Variants in LRRC4C observed in about 807,000 individuals in gnomAD.
LRRC4C encodes the protein leucine-rich repeat-containing protein 4C.
A neutral mutation model predicts 33.6 loss-of-function variants in LRRC4C; 5 were observed. The ratio of observed to expected loss-of-function variants is 0.15; its 90% confidence interval spans 0.08 to 0.31. The LOEUF is 0.31. Ranked by LOEUF, LRRC4C falls within the 10% of genes least tolerant of loss-of-function variation. The probability of loss-of-function intolerance (pLI) is 1.00; values close to 1 mark genes in which losing one functional copy is unlikely to be tolerated. For synonymous variants in LRRC4C, 329 were observed against 302.0 expected (o/e 1.09, Z -0.93); for missense variants, 560 against 796.7 (o/e 0.70, Z 3.58).
intron 3 of LRRC4C, among the ~76,000 whole-genome samples, chr11:40,395,210 T>C (rs924867372): frequency 6.6e-6 from 1 of 152,176 alleles, no homozygotes; most frequent in Non-Finnish European, 1.5e-5. Context: ...TACTACCTTG[T>C]ACTCCAAGAC....
intron 3 of LRRC4C, among the ~76,000 whole-genome samples, chr11:40,565,308 A>T (rs1005789280): frequency 1.9e-4 from 29 of 152,134 alleles, no homozygotes; most frequent in African/African-American, 6.5e-4. Flanking sequence ...TCCCTTCATG[A>T]AAAAAATAAT....
chr11:40,248,712 A>C (rs1866536529), intron 4 of LRRC4C, among the ~76,000 whole-genome samples: 1 of 152,090 alleles, frequency 6.6e-6, no homozygotes, highest in Non-Finnish European at 1.5e-5. Context: ...AAAAATGAAA[A>C]AAGAGTAGCA....
intron 1 of LRRC4C, among the ~76,000 whole-genome samples, chr11:41,341,296 A>T (rs1297828720): frequency 6.6e-6 from 1 of 152,152 alleles, no homozygotes; most frequent in Non-Finnish European, 1.5e-5. Context: ...AAAAAAACTA[A>T]AAAATAGATC....
At chr11:41,320,599 G>A (rs1008072157) in intron 1 of LRRC4C, among the ~76,000 whole-genome samples, 1 of 152,102 alleles carries the variant, frequency 6.6e-6, no homozygotes, top group South Asian at 2.1e-4. Context: ...AAATCAGTTC[G>A]ACCTCCATAT....
intron 4 of LRRC4C, among the ~76,000 whole-genome samples, chr11:40,314,822 T>C (rs1945497242): frequency 6.6e-6 from 1 of 152,046 alleles, no homozygotes; most frequent in South Asian, 2.1e-4. Flanking sequence ...CCACATGTTC[T>C]CACTCAAATG....
At chr11:40,440,172 T>G (rs1565390358) in intron 3 of LRRC4C, among the ~76,000 whole-genome samples, 2 of 152,218 alleles carry the variant, frequency 1.3e-5, no homozygotes, top group Non-Finnish European at 2.9e-5. Flanking sequence ...TTTTCTCTGC[T>G]GCATTCCCAG....
intron 3 of LRRC4C, among the ~76,000 whole-genome samples, chr11:40,330,119 G>A (rs542688399): frequency 1.1e-4 from 17 of 152,198 alleles, no homozygotes; most frequent in African/African-American, 4.1e-4. Context: ...AATTAATGAC[G>A]AAGAGGTAGT....
chr11:40,140,881 A>AG (rs1276997061), intron 5 of LRRC4C, 28 bp from the exon 6 acceptor site: 1 of 152,340 alleles, frequency 6.6e-6, no homozygotes, highest in Non-Finnish European at 1.5e-5. Context: ...AGAAAAGAAA[A>AG]GAAAAAAAAG....
downstream of LRRC4C, chr11:40,114,204 T>A (rs1048811154): frequency 4.6e-5 from 34 of 743,074 alleles, no homozygotes; most frequent in Non-Finnish European, 6.5e-5. Flanking sequence ...CATAATTTTG[T>A]CTGCTTTAGA....
rs575199067 is a variant in LRRC4C at position 40,229,925 on chromosome 11, T to C, written c.-96+11594A>G. 1.2e-3 allele frequency among the ~76,000 whole-genome samples: 183 copies of C among 152,332 alleles called. 1 individual carries two copies. The Middle Eastern group carries it at 0.02, about 17-fold the overall frequency. Reference sequence around the variant, plus strand: ...TCAGAATCTGATCAGAGCTAATTTATGATATCTTTTATTATCGTGATGTTT... The same window carrying C: ...TCAGAATCTGATCAGAGCTAATTTACGATATCTTTTATTATCGTGATGTTT... On this transcript the variant is annotated intron_variant, in intron 5 of 6. Transcript: ENST00000528697.
intron 1 of LRRC4C, among the ~76,000 whole-genome samples, chr11:41,101,975 C>A (rs1216332214): frequency 9.9e-5 from 15 of 151,718 alleles, no homozygotes; most frequent in Non-Finnish European, 1.8e-4. Flanking sequence ...GCACTGGGGC[C>A]TACTTGAGGG....
chr11:40,158,180 G>GT (rs1858863178), intron 5 of LRRC4C, among the ~76,000 whole-genome samples: 1 of 152,104 alleles, frequency 6.6e-6, no homozygotes, highest in South Asian at 2.1e-4. Context: ...ACCATACATC[G>GT]TATGTTCTCA....
At chr11:40,857,305 G>A (rs561215623) in intron 2 of LRRC4C, among the ~76,000 whole-genome samples, 1 of 152,092 alleles carries the variant, frequency 6.6e-6, no homozygotes, top group Non-Finnish European at 1.5e-5. Context: ...TATCACCTAG[G>A]TATTAAGCCC....
At chr11:41,018,874 A>G (rs1345005593) in intron 1 of LRRC4C, among the ~76,000 whole-genome samples, 1 of 152,016 alleles carries the variant, frequency 6.6e-6, no homozygotes, top group East Asian at 1.9e-4. Context: ...GTTCATTCTC[A>G]TTATTTCTTT....
At chr11:40,633,507 G>GC (rs1467079753) in intron 3 of LRRC4C, among the ~76,000 whole-genome samples, 1 of 151,042 alleles carries the variant, frequency 6.6e-6, no homozygotes, top group Non-Finnish European at 1.5e-5. Flanking sequence ...TCCTGCCTCA[G>GC]CCCCCCTAGT....
chr11:40,297,952 G>T (rs1353591273), intron 4 of LRRC4C, among the ~76,000 whole-genome samples: 1 of 152,040 alleles, frequency 6.6e-6, no homozygotes, highest in African/African-American at 2.4e-5. Flanking sequence ...GAAATGATTT[G>T]CTCATGTCTA....
At position 40,115,656 on chromosome 11, in the gene LRRC4C, G is replaced by A. The variant is rs1241041822; in HGVS notation, c.637C>T (p.Pro213Ser). Residue 213 changes from proline to serine, a missense_variant, in exon 7 of 7, where the codon CCT (proline) becomes TCT (serine). By Grantham distance (74) the Pro-to-Ser change is moderately conservative. This residue lies in a region of LRRC4C where 455 missense variants were observed against 643.8 expected (regional missense o/e 0.71). Coordinates refer to ENST00000528697, the MANE Select transcript of LRRC4C (RefSeq NM_001258419.2). The surrounding 1 kb of genome is among the most constrained non-coding windows in gnomAD (Gnocchi z 6.7). ...NLAMCNLREI[P>S]NLTPLIKLDE... ...AGTTTTATGAGCGGTGTGAGGTTAG[G>A]GATTTCCCGAAGGTTGCACATGGCA... The A allele has an allele frequency of 6.2e-7, 1 of 1,614,126 alleles. No homozygotes were observed.
chr11:40,753,963 A>G (rs941203029), intron 2 of LRRC4C, among the ~76,000 whole-genome samples: 1 of 152,006 alleles, frequency 6.6e-6, no homozygotes. Flanking sequence ...CATGGTGTAC[A>G]CAATATATAT....
intron 3 of LRRC4C, among the ~76,000 whole-genome samples, chr11:40,408,763 G>T (rs956343175): frequency 3.3e-5 from 5 of 151,706 alleles, no homozygotes; most frequent in African/African-American, 1.2e-4. Context: ...TACTAAAATT[G>T]AAGAAGACAT....
Sources: gnomAD v4.1 joint callset for allele counts (sites outside exome capture counted in the v4.1 genomes callset) on GRCh38, gnomAD v4.1.1 for gene constraint, gnomAD v4.1.1 regional missense constraint, Gnocchi (gnomAD v3.1) non-coding constraint, MANE v1.5 for transcripts, NCBI Gene and HGNC (gene_info 2026-07-23, HGNC 2026-07-21) for gene names.